The following LRP1B variants were observed in gnomAD, a reference collection of about 807,000 sequenced individuals.
The protein encoded by LRP1B is LDL receptor related protein 1B.
Under a neutral mutation model 556.6 loss-of-function variants are expected in LRP1B, and 217 were observed. The observed-to-expected ratio is 0.39, with a 90% CI of 0.35 to 0.44. LRP1B has a LOEUF of 0.44. Among genes scored for constraint, LRP1B ranks in the 20% least tolerant of loss-of-function variants. The probability of loss-of-function intolerance (pLI) is 1.00; values close to 1 mark genes in which losing one functional copy is unlikely to be tolerated. For missense variants in LRP1B, 5,053 were observed against 5,620.8 expected (o/e 0.90, Z 3.23); for synonymous variants, 2,047 against 1,865.8 (o/e 1.10, Z -2.50).
intron 2 of LRP1B, among the ~76,000 whole-genome samples, chr2:141,674,772 A>G (rs1269451488): frequency 6.6e-6 from 1 of 152,064 alleles, no homozygotes; most frequent in Non-Finnish European, 1.5e-5. Context: ...TATTTCTGAA[A>G]CCAAAGTTCT....
At chr2:141,103,690 A>C (rs1266158016) in intron 7 of LRP1B, among the ~76,000 whole-genome samples, 1 of 146,542 alleles carries the variant, frequency 6.8e-6, no homozygotes, top group Non-Finnish European at 1.5e-5. Flanking sequence ...GTGAAAAAAA[A>C]AGAAAATTAA....
chr2:141,867,707 A>G lies in LRP1B; in HGVS notation c.83-57306T>C, dbSNP rs188699093. ...AATAACTATTATTTTTCAATAATAG[A>G]AAGGTAAGACTTTTTCCAGTAACAA... On this transcript the variant is annotated intron_variant, in intron 1 of 90. Transcript: ENST00000389484. Among the ~76,000 whole-genome samples the G allele has an allele frequency of 3.8e-3, 586 of 152,296 alleles. 4 individuals are homozygous for G. The highest frequency in any genetic ancestry group is 6.5e-3 in the Non-Finnish European group (441 of 68,020).
chr2:140,598,464 T>C (rs528785023), intron 43 of LRP1B, among the ~76,000 whole-genome samples, 167 bp downstream of exon 43: 377 of 152,312 alleles, frequency 2.5e-3, no homozygotes, highest in Non-Finnish European at 3.9e-3. Context: ...CAAAATACTA[T>C]CCACAATTTT....
At position 140,955,910 on chromosome 2, in the gene LRP1B, G is replaced by T. The variant is rs543939472; in HGVS notation, c.2888-3970C>A. On this transcript the variant is annotated intron_variant, in intron 18 of 90. Coordinates refer to ENST00000389484, the MANE Select transcript of LRP1B (RefSeq NM_018557.3). Reference sequence around the variant, plus strand: ...CCAAAATAATATTTTTAAGTAATTTGTTAATAAAGTCTCAAAACCTATGCC... The same window carrying T: ...CCAAAATAATATTTTTAAGTAATTTTTTAATAAAGTCTCAAAACCTATGCC... Among the ~76,000 whole-genome samples the T allele has an allele frequency of 7.9e-5, 12 of 151,604 alleles. No individual in the cohort carries two copies. In the South Asian group the frequency reaches 2.5e-3, roughly 31 times the overall value.
chr2:140,629,235 T>G (rs1683790234), intron 41 of LRP1B, among the ~76,000 whole-genome samples: 2 of 151,738 alleles, frequency 1.3e-5, no homozygotes, highest in South Asian at 4.2e-4. Flanking sequence ...TTTTTTTTTT[T>G]TTTTGTATTT....
At chr2:140,801,865 G>A (rs1004754543) in intron 32 of LRP1B, among the ~76,000 whole-genome samples, 11 of 152,098 alleles carry the variant, frequency 7.2e-5, no homozygotes, top group Non-Finnish European at 1.5e-4. Context: ...GAAGGTAAGA[G>A]GCAACTGCTG....
intron 6 of LRP1B, among the ~76,000 whole-genome samples, chr2:141,223,033 C>T (rs1463264015): frequency 6.6e-6 from 1 of 152,016 alleles, no homozygotes. Flanking sequence ...GAAGTTCTGG[C>T]CAGGGCAATC....
chr2:140,418,434 A>C (rs1301305988), intron 66 of LRP1B, among the ~76,000 whole-genome samples: 1 of 152,184 alleles, frequency 6.6e-6, no homozygotes, highest in Non-Finnish European at 1.5e-5. Flanking sequence ...ACTACTTGAG[A>C]TCACAAATGA....
intron 3 of LRP1B, among the ~76,000 whole-genome samples, chr2:141,336,504 C>A (rs907800319): frequency 6.6e-6 from 1 of 152,096 alleles, no homozygotes; most frequent in African/African-American, 2.4e-5. Flanking sequence ...ATCTAAAAAG[C>A]ATATTTGTTA....
intron 86 of LRP1B, among the ~76,000 whole-genome samples, chr2:140,264,812 ATATC>A (rs1682125682): frequency 6.6e-6 from 1 of 151,910 alleles, no homozygotes; most frequent in Non-Finnish European, 1.5e-5. Flanking sequence ...AATATTTACT[ATATC>A]TATGTGCCAC....
At chr2:140,484,007 T>A (rs1355189077) in intron 59 of LRP1B, among the ~76,000 whole-genome samples, 2 of 152,170 alleles carry the variant, frequency 1.3e-5, no homozygotes, top group Middle Eastern at 3.2e-3. Flanking sequence ...TAATTAAGAA[T>A]GAATAGATGA....
At chr2:140,343,946 G>A (rs1274472015) in intron 77 of LRP1B, among the ~76,000 whole-genome samples, 1 of 151,658 alleles carries the variant, frequency 6.6e-6, no homozygotes, top group African/African-American at 2.4e-5. Context: ...TGGGGGAATA[G>A]ATTACTGAGG....
intron 1 of LRP1B, among the ~76,000 whole-genome samples, chr2:142,084,612 C>T (rs1574667116): frequency 6.6e-6 from 1 of 152,122 alleles, no homozygotes; most frequent in Non-Finnish European, 1.5e-5. Flanking sequence ...TTTACATCTG[C>T]AATATTCCTT....
intron 43 of LRP1B, among the ~76,000 whole-genome samples, chr2:140,564,757 A>G (rs1374025007): frequency 6.6e-6 from 1 of 152,118 alleles, no homozygotes; most frequent in Non-Finnish European, 1.5e-5. Flanking sequence ...TGATGTATAC[A>G]GTTTAATTAA....
At chr2:140,426,751 T>C (rs1429068587) in intron 66 of LRP1B, among the ~76,000 whole-genome samples, 1 of 152,220 alleles carries the variant, frequency 6.6e-6, no homozygotes, top group Non-Finnish European at 1.5e-5. Context: ...TAAACAGCCT[T>C]GTTGCTCACA....
chr2:140,362,090 A>G (rs770330256), intron 72 of LRP1B, among the ~76,000 whole-genome samples: 11 of 151,628 alleles, frequency 7.3e-5, no homozygotes, highest in Non-Finnish European at 1.5e-4. Context: ...AAATCTGTCT[A>G]TATTGTGCTA....
chr2:141,220,562 C>A (rs1198836107), intron 6 of LRP1B, among the ~76,000 whole-genome samples: 1 of 150,104 alleles, frequency 6.7e-6, no homozygotes, highest in African/African-American at 2.5e-5. Flanking sequence ...CAGAGAACCC[C>A]AGTAAGAGAC....
chr2:141,968,523 C>A (rs1304574017), intron 1 of LRP1B, among the ~76,000 whole-genome samples: 1 of 151,470 alleles, frequency 6.6e-6, no homozygotes, highest in Non-Finnish European at 1.5e-5. Flanking sequence ...AAGAAATTAC[C>A]TAAGACATGA....
At chr2:142,072,938 G>T (rs776784894) in intron 1 of LRP1B, among the ~76,000 whole-genome samples, 1 of 152,002 alleles carries the variant, frequency 6.6e-6, no homozygotes, top group Non-Finnish European at 1.5e-5. Flanking sequence ...AGGAAGAAAA[G>T]TTAGGGTAAA....
Sources: gnomAD v4.1 joint callset for allele counts (sites outside exome capture counted in the v4.1 genomes callset) on GRCh38, gnomAD v4.1.1 for gene constraint, MANE v1.5 for transcripts, NCBI Gene and HGNC (gene_info 2026-07-23, HGNC 2026-07-21) for gene names.